Variants in NRG3 observed in about 807,000 individuals in gnomAD.
The protein encoded by NRG3 is neuregulin 3.
Under a neutral mutation model 66.9 loss-of-function variants are expected in NRG3, and 31 were observed. The ratio of observed to expected loss-of-function variants is 0.46; its 90% CI spans 0.35 to 0.63. NRG3 has a LOEUF of 0.63. Ranked by LOEUF, NRG3 falls within the 20% of genes least tolerant of loss-of-function variation. The probability of loss-of-function intolerance (pLI) is 0.00; values close to 1 mark genes in which losing one functional copy is unlikely to be tolerated. For synonymous variants in NRG3, 393 were observed against 359.4 expected, an observed-to-expected ratio of 1.09 and a Z score of -1.06; for missense variants, 910 against 878.9, an observed-to-expected ratio of 1.04 and a Z score of -0.45.
rs375961773 is a variant in NRG3 at position 82,484,009 on chromosome 10, C to T, written c.953+125141C>T. Among the ~76,000 whole-genome samples, 7 of 152,314 alleles carry T rather than the reference C, an allele frequency of 4.6e-5. No homozygotes were observed. In the East Asian group the frequency reaches 1.3e-3, roughly 29 times the overall value. On this transcript the variant is annotated intron_variant, in intron 2 of 8. Transcript: ENST00000372141. ...TAGTTCAAACTTTTAATCTCCAGTGCCTAGACAAGCTTTTTAAAATTGTAT... is the reference window on the plus strand; with the variant it reads ...TAGTTCAAACTTTTAATCTCCAGTGTCTAGACAAGCTTTTTAAAATTGTAT...
At chr10:81,935,921 A>ACACACACACACACAC (rs1413679888) in intron 1 of NRG3, among the ~76,000 whole-genome samples, 2 of 148,138 alleles carry the variant, frequency 1.4e-5, no homozygotes, top group African/African-American at 5.0e-5. Flanking sequence ...ACACACACAC[A>ACACACACACACACAC]CACAGTTTCC....
chr10:82,211,020 G>A lies in NRG3; in HGVS notation c.824-147719G>A, dbSNP rs116534976. Among the ~76,000 whole-genome samples the A allele has an allele frequency of 6.0e-3, 909 of 151,688 alleles. 8 individuals carry two copies. Among genetic ancestry groups the A allele is most frequent in the African/African-American group, 0.021 (886 of 41,362 alleles). ...ATATGGGTGCCAGAAATGACCTTTTGAGCTAATTAACAGAGCTGCCATAAA... is the reference window on the plus strand; with the variant it reads ...ATATGGGTGCCAGAAATGACCTTTTAAGCTAATTAACAGAGCTGCCATAAA... On this transcript the variant is annotated intron_variant, in intron 1 of 8. Coordinates refer to ENST00000372141, the MANE Select transcript of NRG3 (RefSeq NM_001010848.4).
At chr10:82,199,451 A>G (rs1222661352) in intron 1 of NRG3, among the ~76,000 whole-genome samples, 2 of 152,176 alleles carry the variant, frequency 1.3e-5, no homozygotes, top group Non-Finnish European at 2.9e-5. Context: ...TGCTTTAAAT[A>G]CCAGATAGGT....
intron 1 of NRG3, among the ~76,000 whole-genome samples, chr10:81,924,395 C>T (rs1461468011): frequency 6.6e-6 from 1 of 152,242 alleles, no homozygotes; most frequent in East Asian, 1.9e-4. Flanking sequence ...GTCTGAACTT[C>T]AAAGCTGTTT....
chr10:82,855,958 G>T (rs2063781505), intron 3 of NRG3, among the ~76,000 whole-genome samples: 1 of 152,250 alleles, frequency 6.6e-6, no homozygotes, highest in Non-Finnish European at 1.5e-5. Context: ...GGACCCTGTT[G>T]GATAATAATC....
intron 1 of NRG3, among the ~76,000 whole-genome samples, chr10:82,186,235 C>G (rs1158808386): frequency 2.6e-5 from 4 of 152,118 alleles, no homozygotes; most frequent in African/African-American, 9.7e-5. Flanking sequence ...CCACACATCT[C>G]CACATACCAA....
At chr10:82,772,175 A>G (rs1476250661) in intron 3 of NRG3, among the ~76,000 whole-genome samples, 3 of 152,148 alleles carry the variant, frequency 2.0e-5, no homozygotes, top group Non-Finnish European at 4.4e-5. Context: ...TGAGGTTTAT[A>G]ACGTGATGTT....
intron 2 of NRG3, among the ~76,000 whole-genome samples, chr10:82,534,102 A>G (rs1481464413): frequency 2.0e-5 from 3 of 152,160 alleles, no homozygotes; most frequent in African/African-American, 7.2e-5. Flanking sequence ...AACTATAAAA[A>G]TCATGAATTA....
intron 1 of NRG3, among the ~76,000 whole-genome samples, chr10:81,882,896 C>G (rs910352731): frequency 3.3e-5 from 5 of 152,116 alleles, no homozygotes; most frequent in Non-Finnish European, 5.9e-5. Context: ...TGGAGGTCAT[C>G]ATTTCTCATT....
intron 2 of NRG3, among the ~76,000 whole-genome samples, chr10:82,479,407 TA>T (rs1590277011): frequency 6.7e-6 from 1 of 149,484 alleles, no homozygotes; most frequent in African/African-American, 2.5e-5. Context: ...TGGCACATAG[TA>T]AAAAAACTGG....
In NRG3 at chr10:82,789,390, CAA is replaced by C. The variant is rs552209503; in HGVS notation, c.1027+50741_1027+50742del. On this transcript the variant is annotated intron_variant, in intron 3 of 8. Coordinates refer to ENST00000372141, the MANE Select transcript of NRG3 (RefSeq NM_001010848.4). ...AAGTGTTCTTTATATACTCAGTGGA[CAA>C]GTGTCATATTAGAAATAAAATTTGC... Among the ~76,000 whole-genome samples, 20 of 152,082 alleles carry C rather than the reference CAA, an allele frequency of 1.3e-4. 1 individual carries two copies. The East Asian group carries it at 3.9e-3, about 29-fold the overall frequency.
intron 1 of NRG3, among the ~76,000 whole-genome samples, chr10:81,886,670 G>A (rs1429926582): frequency 6.6e-6 from 1 of 152,082 alleles, no homozygotes; most frequent in East Asian, 1.9e-4. Context: ...GCAAGTGAAT[G>A]TGCATTTGTA....
intron 1 of NRG3, among the ~76,000 whole-genome samples, chr10:82,053,464 C>T (rs2063694119): frequency 6.6e-6 from 1 of 152,126 alleles, no homozygotes; most frequent in Admixed American, 6.6e-5. Flanking sequence ...AGTAACTCCT[C>T]CTTACACACT....
intron 2 of NRG3, among the ~76,000 whole-genome samples, chr10:82,734,204 A>G (rs956942789): frequency 6.6e-6 from 1 of 152,246 alleles, no homozygotes; most frequent in East Asian, 1.9e-4. Flanking sequence ...CTTTACTTAA[A>G]CCAGCCACTG....
At chr10:82,891,514 T>G (rs1045515604) in intron 4 of NRG3, among the ~76,000 whole-genome samples, 4 of 152,022 alleles carry the variant, frequency 2.6e-5, no homozygotes, top group Non-Finnish European at 5.9e-5. Flanking sequence ...CTTGTTAGAT[T>G]TACCCTTTGA....
chr10:82,824,468 C>T (rs1435708175), intron 3 of NRG3, among the ~76,000 whole-genome samples: 1 of 152,124 alleles, frequency 6.6e-6, no homozygotes, highest in Non-Finnish European at 1.5e-5. Context: ...GGGGTTACCC[C>T]ATTTTTCATT....
In NRG3 at chr10:82,947,360, G is replaced by A. The variant is rs184250020; in HGVS notation, c.1055-4109G>A. Among the ~76,000 whole-genome samples the A allele has an allele frequency of 3.7e-3, 570 of 152,110 alleles. 3 individuals are homozygous for A. Among genetic ancestry groups the A allele is most frequent in the African/African-American group, 8.5e-3 (351 of 41,518 alleles). On this transcript the variant is annotated intron_variant, in intron 4 of 8. Transcript: ENST00000372141. Reference sequence around the variant, plus strand: ...TAATTTGATTATCCATTTACCTGTTGATGGATCCTTGGGTTATTTCCAGTT... The same window carrying A: ...TAATTTGATTATCCATTTACCTGTTAATGGATCCTTGGGTTATTTCCAGTT...
intron 1 of NRG3, among the ~76,000 whole-genome samples, chr10:82,214,182 G>T (rs2075549628): frequency 6.6e-6 from 1 of 152,102 alleles, no homozygotes; most frequent in African/African-American, 2.4e-5. Flanking sequence ...CACTAGTCCA[G>T]GACAAAAGCA....
chr10:82,250,816 TG>T (rs2077451453), intron 1 of NRG3, among the ~76,000 whole-genome samples: 3 of 152,202 alleles, frequency 2.0e-5, no homozygotes, highest in Admixed American at 6.5e-5. Context: ...GCTCCTTGCC[TG>T]GTGCCTGGCT....
Sources: gnomAD v4.1 joint callset for allele counts (sites outside exome capture counted in the v4.1 genomes callset) on GRCh38, gnomAD v4.1.1 for gene constraint, MANE v1.5 for transcripts, NCBI Gene and HGNC (gene_info 2026-07-23, HGNC 2026-07-21) for gene names.